The following TMEM245 variants were observed in gnomAD, a reference collection of about 807,000 sequenced individuals.
TMEM245 encodes protein CG-2.
Under a neutral mutation model 101.2 loss-of-function variants are expected in TMEM245, and 69 were observed. The ratio of observed to expected loss-of-function variants is 0.68; its 90% CI spans 0.56 to 0.83. The LOEUF is 0.83. Among genes scored for constraint, TMEM245 ranks in the 40% least tolerant of loss-of-function variants. TMEM245 has a pLI of 0.00. For synonymous variants in TMEM245, 537 were observed against 449.8 expected (o/e 1.19, Z -2.45); for missense variants, 1,075 against 1,092.8 (o/e 0.98, Z 0.23).
At position 109,064,492 on chromosome 9, in the gene TMEM245, T is replaced by C. The variant is rs371674546; in HGVS notation, c.1608A>G (p.Glu536=). The change falls in exon 10 of 18, where the codon GAA becomes GAG. Residue 536 remains glutamate (E), a synonymous_variant. Coordinates refer to ENST00000374586, the MANE Select transcript of TMEM245 (RefSeq NM_032012.4). ...CTTCCCTTACCTTGTGAGTTATCCA[T>C]TCTCGTCCATACTGATACACGTTGT... ...AANNVYQYGR[E]WITHKLHKIL... 1.2e-4 allele frequency: 195 copies of C among 1,613,420 alleles called. 1 individual carries two copies. The highest frequency in any genetic ancestry group is 1.5e-4 in the Non-Finnish European group (181 of 1,179,578).
chr9:109,117,106 A>G (rs1830743412), intron 1 of TMEM245, among the ~76,000 whole-genome samples: 1 of 151,630 alleles, frequency 6.6e-6, no homozygotes, highest in South Asian at 2.1e-4. Context: ...CTGAATTTCA[A>G]GGTTTTTTTG....
Position 109,080,884 on chromosome 9 carries a change from CAAA to C in TMEM245, c.1401_1403del (p.Phe467del), listed in dbSNP as rs1829647842. On this transcript the variant is annotated inframe_deletion, in exon 8 of 18. Transcript: ENST00000374586. ...CTAAAAGAAGAGTTCCTATCACTAA[CAAA>C]AATATGATGAAAATGCTAATTATTT... is the stretch of plus-strand genomic sequence containing the variant. 6.2e-7 allele frequency: 1 copy of C among 1,610,438 alleles called. No homozygotes were observed. The highest frequency in any genetic ancestry group is 1.3e-5 in the African/African-American group (1 of 74,790).
chr9:109,094,314 T>G (rs1830083231), intron 3 of TMEM245, among the ~76,000 whole-genome samples: 1 of 152,214 alleles, frequency 6.6e-6, no homozygotes, highest in African/African-American at 2.4e-5. Context: ...CACACTTTCT[T>G]GCACACTAGA....
At chr9:109,105,589 T>C (rs1399560168) in intron 3 of TMEM245, among the ~76,000 whole-genome samples, 6 of 152,162 alleles carry the variant, frequency 3.9e-5, no homozygotes, top group Non-Finnish European at 8.8e-5. Flanking sequence ...ATGGTAGAAA[T>C]AACCCAAATA....
intron 9 of TMEM245, among the ~76,000 whole-genome samples, chr9:109,067,739 C>T (rs1212133477): frequency 2.6e-5 from 4 of 152,158 alleles, no homozygotes; most frequent in African/African-American, 7.2e-5. Context: ...TAGAGCTCCA[C>T]TAAGATGATC....
chr9:109,111,410 A>G (rs1384564751), intron 1 of TMEM245, among the ~76,000 whole-genome samples: 4 of 152,200 alleles, frequency 2.6e-5, no homozygotes, highest in Non-Finnish European at 4.4e-5. Context: ...TCTTATCTGT[A>G]TGCATAAGGA....
chr9:109,113,276 C>G (rs1360220004), intron 1 of TMEM245, among the ~76,000 whole-genome samples: 1 of 152,182 alleles, frequency 6.6e-6, no homozygotes, highest in Non-Finnish European at 1.5e-5. Context: ...TCTAGGACCT[C>G]TTAGGAGTTT....
At chr9:109,076,112 TAA>T (rs1220801604) in intron 8 of TMEM245, among the ~76,000 whole-genome samples, 1 of 152,250 alleles carries the variant, frequency 6.6e-6, no homozygotes, top group Non-Finnish European at 1.5e-5. Context: ...GTATGTTGCT[TAA>T]AAGACTTAGA....
intron 9 of TMEM245, among the ~76,000 whole-genome samples, chr9:109,068,635 TC>T (rs1363387315): frequency 3.3e-5 from 5 of 151,998 alleles, no homozygotes; most frequent in African/African-American, 1.2e-4. Flanking sequence ...AGACTCTGTG[TC>T]AAAACAAAAA....
intron 16 of TMEM245, among the ~76,000 whole-genome samples, chr9:109,035,494 G>T (rs1009847761): frequency 3.9e-5 from 6 of 152,094 alleles, no homozygotes; most frequent in African/African-American, 1.4e-4. Flanking sequence ...ATTTATCATA[G>T]AACCATTCCA....
intron 9 of TMEM245, among the ~76,000 whole-genome samples, chr9:109,072,468 A>C (rs1829363715): frequency 6.6e-6 from 1 of 152,224 alleles, no homozygotes; most frequent in African/African-American, 2.4e-5. Context: ...TACACTCAAT[A>C]AACAGTGTGG....
At chr9:109,037,509 T>G (rs963944272) in intron 15 of TMEM245, among the ~76,000 whole-genome samples, 2 of 152,178 alleles carry the variant, frequency 1.3e-5, no homozygotes, top group African/African-American at 4.8e-5. Flanking sequence ...ATTTCACCCC[T>G]AGGTGCTGTT....
At chr9:109,073,132 A>G (rs1332355275) in intron 9 of TMEM245, 2 of 517,716 alleles carry the variant, frequency 3.9e-6, no homozygotes, top group Non-Finnish European at 7.0e-6. Context: ...CAATTATAAA[A>G]CAAAGTATCA....
chr9:109,098,946 T>C (rs545340777), intron 3 of TMEM245, among the ~76,000 whole-genome samples: 3 of 152,320 alleles, frequency 2.0e-5, no homozygotes, highest in East Asian at 1.9e-4. Context: ...AACTCAACGA[T>C]GAGCAGACTA....
At chr9:109,066,320 T>C (rs1163173047) in intron 9 of TMEM245, among the ~76,000 whole-genome samples, 1 of 151,914 alleles carries the variant, frequency 6.6e-6, no homozygotes, top group Non-Finnish European at 1.5e-5. Context: ...CTGGGCATGG[T>C]TGCACAAAAC....
intron 7 of TMEM245, among the ~76,000 whole-genome samples, chr9:109,081,618 G>C (rs1829668494): frequency 6.6e-6 from 1 of 151,978 alleles, no homozygotes; most frequent in African/African-American, 2.4e-5. Flanking sequence ...TATTAAGGGG[G>C]GAGTCATTGG....
At chr9:109,114,660 T>C (rs980351855) in intron 1 of TMEM245, among the ~76,000 whole-genome samples, 1 of 152,164 alleles carries the variant, frequency 6.6e-6, no homozygotes, top group African/African-American at 2.4e-5. Flanking sequence ...CTATTACTAC[T>C]GCAAAAAACT....
intron 14 of TMEM245, among the ~76,000 whole-genome samples, chr9:109,040,194 A>ATATT (rs1272277570): frequency 6.6e-6 from 1 of 152,218 alleles, no homozygotes; most frequent in Non-Finnish European, 1.5e-5. Flanking sequence ...AAAAGACAAT[A>ATATT]TATTCCCCTC....
At chr9:109,042,442 T>C (rs1828340048) in intron 14 of TMEM245, 1 of 152,402 alleles carries the variant, frequency 6.6e-6, no homozygotes, top group Admixed American at 6.5e-5. Context: ...AATCTGTAAC[T>C]GGTTGTGATC....
Sources: gnomAD v4.1 joint callset for allele counts (sites outside exome capture counted in the v4.1 genomes callset) on GRCh38, gnomAD v4.1.1 for gene constraint, MANE v1.5 for transcripts, NCBI Gene and HGNC (gene_info 2026-07-23, HGNC 2026-07-21) for gene names.